CACFD1: variants seen among roughly 807,000 people sequenced by gnomAD.
CACFD1 encodes the protein calcium channel flower domain containing 1, also known as calcium channel flower homolog.
Under a neutral mutation model 21.3 loss-of-function variants are expected in CACFD1, and 26 were observed. The observed-to-expected ratio is 1.22, with a 90% CI of 0.89 to 1.69. CACFD1 has a LOEUF of 1.69. Ranked by LOEUF, CACFD1 falls within the 40% of genes most tolerant of loss-of-function variation. The pLI is 0.00. For missense variants in CACFD1, 265 were observed against 236.2 expected (o/e 1.12, Z -0.80); for synonymous variants, 121 against 106.6 (o/e 1.13, Z -0.83).
At position 133,460,195 on chromosome 9, in the gene CACFD1, T is replaced by G; in HGVS notation, c.121+8T>G. 6.5e-7 allele frequency: 1 copy of G among 1,532,946 alleles called. No individual in the cohort carries two copies. The highest frequency in any genetic ancestry group is 1.2e-5 in the South Asian group (1 of 82,794). The allele number at this position is 1,532,946 out of a possible 1,614,324, so 95.0% of individuals were successfully genotyped here. On this transcript the variant is annotated splice_region_variant and intron_variant, in intron 1 of 4. Coordinates refer to ENST00000316948, the MANE Select transcript of CACFD1 (RefSeq NM_017586.5). ...GGGTGCTGGGGGCAGTCTGTGAGTA[T>G]CCAGTCGGGGAGAGGGGCCGGCCCC...
Position 133,465,666 on chromosome 9 carries a change from C to T in CACFD1, c.320+219C>T. ...CTCAGCTGTCGCTGTGCCGTAGTCA[C>T]TGGAAGGTTCAGAGGTATATGAGCA... On this transcript the variant is annotated intron_variant, in intron 3 of 4. Transcript: ENST00000316948. This position sits in a 1 kb window ranked among gnomAD's most constrained non-coding sequence, Gnocchi z 5.0. 1 of 567,070 alleles carries T rather than the reference C, an allele frequency of 1.8e-6. No individual in the cohort carries two copies. The highest frequency in any genetic ancestry group is 3.1e-6 in the Non-Finnish European group (1 of 318,502). 35.1% of individuals were successfully genotyped at this position (567,070 alleles called of 1,614,324 possible). A position where few individuals can be genotyped will look rare whatever the true frequency, so the allele number is the denominator to read the frequency against.
chr9:133,461,826 A>G, intron 1 of CACFD1: 1 of 979,922 alleles, frequency 1.0e-6, no homozygotes, highest in African/African-American at 1.7e-5. Flanking sequence ...GTAGAATGCA[A>G]AAATGCAGGG....
chr9:133,466,500 A>G (rs1036569378), intron 3 of CACFD1, among the ~76,000 whole-genome samples: 1 of 152,200 alleles, frequency 6.6e-6, no homozygotes, highest in African/African-American at 2.4e-5. Context: ...ACATTCTTTC[A>G]ATACAGGAAT....
In CACFD1 at chr9:133,468,813, G is replaced by C; in HGVS notation, c.*160G>C. 7.8e-7 allele frequency: 1 copy of C among 1,287,174 alleles called. No homozygotes were observed. The highest frequency in any genetic ancestry group is 1.6e-5 in the South Asian group (1 of 63,796). The allele number at this position is 1,287,174 out of a possible 1,614,324, so 79.7% of individuals were successfully genotyped here. A position where few individuals can be genotyped will look rare whatever the true frequency, so the allele number is the denominator to read the frequency against. The stretch of plus-strand genomic sequence containing the variant: ...CCTTTCTCCAGACTGGCTTAAGCCA[G>C]GAGCCACTGGCTGCTGGTGTGAGGG... On this transcript the variant is annotated 3_prime_UTR_variant, in exon 5 of 5. Transcript: ENST00000316948.
intron 1 of CACFD1, chr9:133,461,846 G>A (rs1449917175): frequency 3.0e-6 from 3 of 984,946 alleles, no homozygotes; most frequent in Non-Finnish European, 3.6e-6. Context: ...GTGTTTTAGA[G>A]ATGCGGCAGG....
rs1298768016 is a variant in CACFD1 at position 133,460,027 on chromosome 9, C to T, written c.-40C>T. The T allele has an allele frequency of 2.7e-6, 4 of 1,509,210 alleles. No homozygotes were observed. Among genetic ancestry groups the T allele is most frequent in the African/African-American group, 1.4e-5 (1 of 69,460 alleles). The allele number at this position is 1,509,210 out of a possible 1,614,324, so 93.5% of individuals were successfully genotyped here. A position where few individuals can be genotyped will look rare whatever the true frequency, so the allele number is the denominator to read the frequency against. ...GGCTCGGACGCGGCCGGCTACCGAG[C>T]CCTTTGTGAGGGCTGTGAGCTGCGC... On this transcript the variant is annotated 5_prime_UTR_variant, in exon 1 of 5. Coordinates refer to ENST00000316948, the MANE Select transcript of CACFD1 (RefSeq NM_017586.5).
At chr9:133,467,870 TGTG>T in intron 3 of CACFD1, 48 bp from the exon 4 acceptor site, 1 of 1,312,700 alleles carries the variant, frequency 7.6e-7, no homozygotes, top group Non-Finnish European at 1.1e-6. Context: ...CGGGGAAGGA[TGTG>T]GTGGCTGTGG....
chr9:133,462,014 C>T (rs1324378433), intron 1 of CACFD1: 8 of 985,358 alleles, frequency 8.1e-6, no homozygotes, highest in Non-Finnish European at 9.6e-6. Context: ...ATGGTGACAG[C>T]CCCCTCACGT....
chr9:133,466,740 CCCCAG>C (rs1384333122), intron 3 of CACFD1, among the ~76,000 whole-genome samples: 1 of 152,112 alleles, frequency 6.6e-6, no homozygotes, highest in East Asian at 1.9e-4. Flanking sequence ...CCCGCCCCCA[CCCCAG>C]CCCAGGGCTG....
At chr9:133,468,080 C>A (rs782495897) in intron 4 of CACFD1, 52 bp downstream of exon 4, 5 of 1,461,758 alleles carry the variant, frequency 3.4e-6, no homozygotes, top group Non-Finnish European at 4.8e-6. Flanking sequence ...CTCCGCCCCC[C>A]GAAGTCCTTC....
rs186221854 is a variant in CACFD1 at position 133,464,634 on chromosome 9, T to C, written c.195-688T>C. ...GCCTGGCTCAGTGTCTGCTAACTGA[T>C]TGTTATCCATGCATAGAGAATACCA... is the stretch of plus-strand genomic sequence containing the variant. On this transcript the variant is annotated intron_variant, in intron 2 of 4. Transcript: ENST00000316948. Among the ~76,000 whole-genome samples, 7 of 152,226 alleles carry C rather than the reference T, an allele frequency of 4.6e-5. No individual in the cohort carries two copies. In the East Asian group the frequency reaches 1.2e-3, roughly 25 times the overall value.
At position 133,465,514 on chromosome 9, in the gene CACFD1, A is replaced by G; in HGVS notation, c.320+67A>G. 6.7e-7 allele frequency: 1 copy of G among 1,501,754 alleles called. No homozygotes were observed. The highest frequency in any genetic ancestry group is 9.1e-7 in the Non-Finnish European group (1 of 1,103,190). 93.0% of individuals were successfully genotyped at this position (1,501,754 alleles called of 1,614,324 possible). On this transcript the variant is annotated intron_variant, in intron 3 of 4. Transcript: ENST00000316948. This position sits in a 1 kb window ranked among gnomAD's most constrained non-coding sequence, Gnocchi z 5.0. ...AAACCCCACTGACAAAATAGGACCC[A>G]AAAGTCAGGTGAGGGTGGGCAGTGT...
rs587706782 is a variant in CACFD1 at position 133,460,272 on chromosome 9, C to T, written c.121+85C>T. On this transcript the variant is annotated intron_variant, in intron 1 of 4. Coordinates refer to ENST00000316948, the MANE Select transcript of CACFD1 (RefSeq NM_017586.5). ...CTGCCCCGCCCCGCCCCGGCGGCCC[C>T]AGGGGAAAGGACCCGCTGGGGGTCG... 5.5e-6 allele frequency: 7 copies of T among 1,281,916 alleles called. No homozygotes were observed. The African/African-American group carries it at 6.3e-5, about 12-fold the overall frequency. 79.4% of individuals were successfully genotyped at this position (1,281,916 alleles called of 1,614,324 possible).
intron 1 of CACFD1, among the ~76,000 whole-genome samples, 180 bp downstream of exon 1, chr9:133,460,367 C>A (rs1438707737): frequency 2.1e-5 from 3 of 146,216 alleles, no homozygotes. Context: ...CTGGGGTTGC[C>A]ATGGTTACCC....
rs1156719828 is a variant in CACFD1 at position 133,461,386 on chromosome 9, G to C, written c.121+1199G>C. Among the ~76,000 whole-genome samples the C allele has an allele frequency of 2.6e-5, 4 of 152,254 alleles. No individual in the cohort carries two copies. The East Asian group carries it at 7.7e-4, about 29-fold the overall frequency. The stretch of plus-strand genomic sequence containing the variant: ...CCCCCAAATCACAAAAAGGCCCCGA[G>C]TTTGTGTCACTGCTCTTCAGGGCAA... On this transcript the variant is annotated intron_variant, in intron 1 of 4. Coordinates refer to ENST00000316948, the MANE Select transcript of CACFD1 (RefSeq NM_017586.5).
Position 133,465,370 on chromosome 9 carries a change from GT to G in CACFD1, c.245del (p.Phe82SerfsTer36), listed in dbSNP as rs1554799333. 2 of 1,614,086 alleles carry G rather than the reference GT, an allele frequency of 1.2e-6. No individual in the cohort carries two copies. Among genetic ancestry groups the G allele is most frequent in the Non-Finnish European group, 1.7e-6 (2 of 1,179,982 alleles). ...LLCEAPFCCQ[F>X]IEFANTVAEK... ...TGTGTGAGGCGCCCTTCTGCTGCCA[GT>G]TCATCGAGTTTGCAAACACAGTGGC... On this transcript the variant is annotated frameshift_variant, in exon 3 of 5. Coordinates refer to ENST00000316948, the MANE Select transcript of CACFD1 (RefSeq NM_017586.5). LOFTEE classifies it high-confidence loss of function. This position sits in a 1 kb window ranked among gnomAD's most constrained non-coding sequence, Gnocchi z 5.0.
At chr9:133,466,149 T>C (rs1843427384) in intron 3 of CACFD1, among the ~76,000 whole-genome samples, 1 of 152,194 alleles carries the variant, frequency 6.6e-6, no homozygotes, top group Non-Finnish European at 1.5e-5. Context: ...ACAAGCCACA[T>C]GCTTAGTTCT....
chr9:133,461,899 G>T (rs1554798619), intron 1 of CACFD1: 12 of 985,318 alleles, frequency 1.2e-5, no homozygotes, highest in Admixed American at 6.1e-5. Flanking sequence ...CTTGGGTAAG[G>T]TTTTCCTCCT....
rs781992509 is a variant in CACFD1 at position 133,463,457 on chromosome 9, C to A, written c.122-26C>A. Reference sequence around the variant, plus strand: ...CGGGCTCCGCCTGCCTCCCTGCTGACTCCTGCCCGTGTCTCTTGTTTCAAG... The same window carrying A: ...CGGGCTCCGCCTGCCTCCCTGCTGAATCCTGCCCGTGTCTCTTGTTTCAAG... On this transcript the variant is annotated intron_variant, in intron 1 of 4. Coordinates refer to ENST00000316948, the MANE Select transcript of CACFD1 (RefSeq NM_017586.5). 12 of 1,613,854 alleles carry A rather than the reference C, an allele frequency of 7.4e-6. No individual in the cohort carries two copies. In the East Asian group the frequency reaches 2.7e-4, roughly 36 times the overall value.
Sources: gnomAD v4.1 joint callset for allele counts (sites outside exome capture counted in the v4.1 genomes callset) on GRCh38, gnomAD v4.1.1 for gene constraint, Gnocchi (gnomAD v3.1) non-coding constraint, MANE v1.5 for transcripts, NCBI Gene and HGNC (gene_info 2026-07-23, HGNC 2026-07-21) for gene names.